LRRC42: variants seen among roughly 807,000 people sequenced by gnomAD.
LRRC42 encodes leucine rich repeat containing 42, also known as leucine-rich repeat-containing protein 42.
LRRC42 carries 43 observed loss-of-function variants against 44.3 expected under a neutral mutation model. The observed-to-expected ratio is 0.97, with a 90% CI of 0.76 to 1.25. The LOEUF (loss-of-function observed/expected upper bound fraction) is 1.25. Among genes scored for constraint, LRRC42 ranks in the 50% most tolerant of loss-of-function variants. The probability of loss-of-function intolerance (pLI) is 0.00; values close to 1 mark genes in which losing one functional copy is unlikely to be tolerated. For synonymous variants in LRRC42, 207 were observed against 195.2 expected (o/e 1.06, Z -0.50); for missense variants, 540 against 509.1 (o/e 1.06, Z -0.58).
chr1:53,965,868 A>C (rs1193378637), intron 7 of LRRC42, among the ~76,000 whole-genome samples: 1 of 152,242 alleles, frequency 6.6e-6, no homozygotes, highest in Non-Finnish European at 1.5e-5. Context: ...TTATGAGAAT[A>C]TGGAAACATG....
At chr1:53,953,820 C>T (rs1654759257) in intron 3 of LRRC42, among the ~76,000 whole-genome samples, 1 of 152,062 alleles carries the variant, frequency 6.6e-6, no homozygotes, top group Non-Finnish European at 1.5e-5. Context: ...CAACCTCCAC[C>T]TCCCAGGTTC....
rs533093796 is a variant in LRRC42, at chr1:53,955,567, G to C, written c.474-2582G>C. 1.2e-4 allele frequency among the ~76,000 whole-genome samples: 18 copies of C among 151,966 alleles called. No individual in the cohort carries two copies. The South Asian group carries it at 2.3e-3, about 19-fold the overall frequency. On this transcript the variant is annotated intron_variant, in intron 3 of 8. Coordinates refer to ENST00000371370, the MANE Select transcript of LRRC42 (RefSeq NM_001256409.2). The stretch of plus-strand genomic sequence containing the variant: ...CCCACCTCAGCCTTCCAAAGTGCTG[G>C]GATTACAAGCGTGAGCGACCATGCC...
rs35356994 is a variant in LRRC42, at chr1:53,961,410, CA to C, written c.725-612del. Among the ~76,000 whole-genome samples, 1,076 of 137,504 alleles carry C rather than the reference CA, an allele frequency of 7.8e-3. 7 individuals carry two copies. The highest frequency in any genetic ancestry group is 0.023 in the African/African-American group (882 of 38,162). 90.2% of individuals were successfully genotyped at this position (137,504 alleles called of 152,430 possible). On this transcript the variant is annotated intron_variant, in intron 5 of 8. Transcript: ENST00000371370. ...TGGGTGACAGAGCAAGACTCTGTCTCAAAAAAAAAAAAGAAATAATGAATGT... is the reference window on the plus strand; with the variant it reads ...TGGGTGACAGAGCAAGACTCTGTCTCAAAAAAAAAAAGAAATAATGAATGT...
intron 8 of LRRC42, 53 bp from the exon 9 acceptor site, chr1:53,967,612 G>A (rs899694727): frequency 2.6e-6 from 4 of 1,536,360 alleles, no homozygotes; most frequent in African/African-American, 1.4e-5. Flanking sequence ...GACTGATGAG[G>A]GAATTAGCAT....
intron 6 of LRRC42, 29 bp from the exon 7 acceptor site, chr1:53,962,267 G>C: frequency 1.3e-6 from 2 of 1,547,632 alleles, no homozygotes; most frequent in East Asian, 4.5e-5. Flanking sequence ...AAATGTATTT[G>C]CATTTCTGAT....
rs1319302530 is a variant in LRRC42, at chr1:53,951,989, C to T, written c.-11C>T. 6.2e-7 allele frequency: 1 copy of T among 1,606,020 alleles called. No homozygotes were observed. Among genetic ancestry groups the T allele is most frequent in the East Asian group, 2.2e-5 (1 of 44,798 alleles). On this transcript the variant is annotated 5_prime_UTR_variant, in exon 3 of 9. Coordinates refer to ENST00000371370, the MANE Select transcript of LRRC42 (RefSeq NM_001256409.2). Reference sequence around the variant, plus strand: ...TCCCTGTGCCTTGCTTTTACAGTTGCAACCAAGGCAATGTCTTACTACCTC... The same window carrying T: ...TCCCTGTGCCTTGCTTTTACAGTTGTAACCAAGGCAATGTCTTACTACCTC...
In LRRC42 at chr1:53,960,264, A is replaced by G. The variant is rs78906541; in HGVS notation, c.606-92A>G. ...TAGCAAGAGGTAGAGGATATGTTAT[A>G]TTTTTAAATGAAAATGTTGAAAGCA... is the stretch of plus-strand genomic sequence containing the variant. On this transcript the variant is annotated intron_variant, in intron 4 of 8. Transcript: ENST00000371370. 12 of 871,410 alleles carry G rather than the reference A, an allele frequency of 1.4e-5. No individual in the cohort carries two copies. The East Asian group carries it at 2.7e-4, about 19-fold the overall frequency. The allele number at this position is 871,410 out of a possible 1,614,324, so 54.0% of individuals were successfully genotyped here.
chr1:53,967,517 G>A, intron 8 of LRRC42, 148 bp from the exon 9 acceptor site: 1 of 723,844 alleles, frequency 1.4e-6, no homozygotes, highest in South Asian at 1.7e-5. Flanking sequence ...ACACCACAGC[G>A]ACCTCACAGG....
At chr1:53,966,412 G>C in intron 8 of LRRC42, 32 bp downstream of exon 8, 1 of 1,543,680 alleles carries the variant, frequency 6.5e-7, no homozygotes, top group Non-Finnish European at 9.0e-7. Flanking sequence ...GAAGTTTTTT[G>C]CCCTTTATTT....
At chr1:53,948,100 T>C (rs1654574799) in intron 2 of LRRC42, 1 of 152,254 alleles carries the variant, frequency 6.6e-6, no homozygotes, top group South Asian at 2.1e-4. Flanking sequence ...GCTTGGCAAC[T>C]GGTAGGTGCT....
chr1:53,966,426 T>G, intron 8 of LRRC42, 46 bp downstream of exon 8: 3 of 1,342,340 alleles, frequency 2.2e-6, no homozygotes, highest in Non-Finnish European at 3.2e-6. Flanking sequence ...TTTATTTGCA[T>G]CCTTAAAGCA....
At chr1:53,955,860 C>T (rs1353471713) in intron 3 of LRRC42, among the ~76,000 whole-genome samples, 8 of 150,806 alleles carry the variant, frequency 5.3e-5, no homozygotes, top group Non-Finnish European at 1.0e-4. Context: ...GATCTCCTGA[C>T]CTTGTGATCC....
chr1:53,961,510 G>C (rs1654995330), intron 5 of LRRC42, among the ~76,000 whole-genome samples: 1 of 152,128 alleles, frequency 6.6e-6, no homozygotes, highest in Non-Finnish European at 1.5e-5. Context: ...CAGGCACTAC[G>C]CTTATGGCCT....
chr1:53,966,287 A>T lies in LRRC42; in HGVS notation c.928-9A>T. 1 of 1,607,748 alleles carries T rather than the reference A, an allele frequency of 6.2e-7. No individual in the cohort carries two copies. Among genetic ancestry groups the T allele is most frequent in the African/African-American group, 1.3e-5 (1 of 74,900 alleles). ...TGTTTGGATTCAAATCTTTCCAAATATGTTTCAGATCGTTCTGCAGTGGGA... is the reference window on the plus strand; with the variant it reads ...TGTTTGGATTCAAATCTTTCCAAATTTGTTTCAGATCGTTCTGCAGTGGGA... On this transcript the variant is annotated splice_polypyrimidine_tract_variant and intron_variant, in intron 7 of 8. Transcript: ENST00000371370.
chr1:53,949,784 C>T (rs1261243604), intron 2 of LRRC42, among the ~76,000 whole-genome samples: 1 of 152,178 alleles, frequency 6.6e-6, no homozygotes, highest in Non-Finnish European at 1.5e-5. Context: ...GCAATATATT[C>T]CCATCGTCTG....
At chr1:53,947,456 GAC>G (rs745817171) in intron 1 of LRRC42, among the ~76,000 whole-genome samples, 1 of 152,146 alleles carries the variant, frequency 6.6e-6, no homozygotes, top group Non-Finnish European at 1.5e-5. Context: ...GAAGAATGGG[GAC>G]ACACAGAACA....
intron 2 of LRRC42, among the ~76,000 whole-genome samples, chr1:53,948,761 A>G (rs1322707805): frequency 6.6e-6 from 1 of 152,240 alleles, no homozygotes; most frequent in African/African-American, 2.4e-5. Context: ...ACCACCCAGT[A>G]CAATAGTGAG....
intron 2 of LRRC42, among the ~76,000 whole-genome samples, chr1:53,950,496 C>T (rs762798703): frequency 1.3e-5 from 2 of 152,212 alleles, no homozygotes; most frequent in Non-Finnish European, 2.9e-5. Context: ...TTTTTGATCA[C>T]GGACCTAATT....
intron 1 of LRRC42, among the ~76,000 whole-genome samples, chr1:53,946,855 G>A (rs1296210177): frequency 6.6e-6 from 1 of 151,160 alleles, no homozygotes; most frequent in African/African-American, 2.4e-5. Context: ...AGAAGGAAGG[G>A]GGAAGGGAAT....
Sources: allele counts gnomAD v4.1 joint callset (sites outside exome capture counted in the v4.1 genomes callset), GRCh38; gene constraint gnomAD v4.1.1; transcripts MANE v1.5; gene names NCBI Gene and HGNC (gene_info 2026-07-23, HGNC 2026-07-21).